TMEM268: variants seen among roughly 807,000 people sequenced by gnomAD.
The protein encoded by TMEM268 is transmembrane protein 268, also known as transmembrane protein C9orf91.
A neutral mutation model predicts 39.1 loss-of-function variants in TMEM268; 24 were observed. That is an observed-to-expected ratio of 0.61 (90% CI 0.44 to 0.86). The LOEUF is 0.86. Ranked by LOEUF, TMEM268 falls within the 40% of genes least tolerant of loss-of-function variation. The pLI is 0.00. For missense variants in TMEM268, 409 were observed against 428.6 expected (o/e 0.95, Z 0.40); for synonymous variants, 176 against 173.5 (o/e 1.01, Z -0.12).
At chr9:114,617,919 C>T (rs1845798798) in intron 2 of TMEM268, among the ~76,000 whole-genome samples, 1 of 151,454 alleles carries the variant, frequency 6.6e-6, no homozygotes, top group African/African-American at 2.4e-5. Context: ...CTCTGTTGCC[C>T]AGGTTGGAAT....
At chr9:114,612,966 T>C (rs1034643709) in intron 1 of TMEM268, among the ~76,000 whole-genome samples, 2 of 152,226 alleles carry the variant, frequency 1.3e-5, no homozygotes, top group Non-Finnish European at 2.9e-5. Context: ...ATGGCAGCTA[T>C]ATTTCTTCAA....
At chr9:114,612,919 G>C (rs1415996243) in intron 1 of TMEM268, among the ~76,000 whole-genome samples, 1 of 152,230 alleles carries the variant, frequency 6.6e-6, no homozygotes, top group Non-Finnish European at 1.5e-5. Flanking sequence ...GGCCTGGCCT[G>C]AGAAGGTGCT....
the TMEM268 span, among the ~76,000 whole-genome samples, chr9:114,604,768 C>A: frequency 1.3e-5 from 2 of 152,106 alleles, no homozygotes; most frequent in South Asian, 4.1e-4. Flanking sequence ...ATCTCTGCTT[C>A]TATCAAGGGA....
At position 114,641,436 on chromosome 9, in the gene TMEM268, AC is replaced by A. The variant is rs552196079; in HGVS notation, c.850-1694del. 3.2e-4 allele frequency among the ~76,000 whole-genome samples: 48 copies of A among 152,260 alleles called. 1 individual carries two copies. The South Asian group carries it at 1.0e-2, about 32-fold the overall frequency. On this transcript the variant is annotated intron_variant, in intron 8 of 8. Transcript: ENST00000288502. ...ACACAAGTATTGCAAAAGAGCTTCA[AC>A]CCCATGCTTAAGGAAGTTAAGCATT...
At chr9:114,617,406 G>A in intron 2 of TMEM268, 105 bp downstream of exon 2, 2 of 857,192 alleles carry the variant, frequency 2.3e-6, no homozygotes, top group Non-Finnish European at 3.9e-6. Context: ...AGGTGTCTTT[G>A]AGGCCATATT....
chr9:114,603,941 C>T, the TMEM268 span, among the ~76,000 whole-genome samples: 1 of 152,130 alleles, frequency 6.6e-6, no homozygotes, highest in Non-Finnish European at 1.5e-5. Context: ...AGCCACCATG[C>T]CCTGCCTGCT....
chr9:114,639,939 G>T (rs943752194), intron 8 of TMEM268, among the ~76,000 whole-genome samples: 1 of 149,712 alleles, frequency 6.7e-6, no homozygotes, highest in Non-Finnish European at 1.5e-5. Context: ...ATTTAGAGAC[G>T]GGGTTTTACC....
intron 6 of TMEM268, among the ~76,000 whole-genome samples, chr9:114,634,931 G>A (rs1208445214): frequency 6.6e-6 from 1 of 152,182 alleles, no homozygotes; most frequent in Non-Finnish European, 1.5e-5. Context: ...ATTGTAGACT[G>A]GGAGCTCCTG....
intron 2 of TMEM268, among the ~76,000 whole-genome samples, chr9:114,621,130 G>A (rs577506064): frequency 6.6e-6 from 1 of 152,026 alleles, no homozygotes; most frequent in African/African-American, 2.4e-5. Flanking sequence ...TTGAGCCCAG[G>A]AATTTGAGAC....
the TMEM268 span, among the ~76,000 whole-genome samples, chr9:114,604,449 G>A: frequency 1.3e-5 from 2 of 152,054 alleles, no homozygotes; most frequent in Non-Finnish European, 2.9e-5. Context: ...GCGTGGTGGT[G>A]TGCACCTGTA....
chr9:114,627,463 C>T (rs1487040303), intron 4 of TMEM268, among the ~76,000 whole-genome samples: 1 of 152,102 alleles, frequency 6.6e-6, no homozygotes, highest in Non-Finnish European at 1.5e-5. Flanking sequence ...CATATAAACA[C>T]TTACATACAT....
Position 114,613,232 on chromosome 9 carries a change from A to G in TMEM268, c.-79+1668A>G, listed in dbSNP as rs1167806686. On this transcript the variant is annotated intron_variant, in intron 1 of 8. Coordinates refer to ENST00000288502, the MANE Select transcript of TMEM268 (RefSeq NM_153045.4). Reference sequence around the variant, plus strand: ...ACTTTGTGAGAGGCTGATGGGGCCAAGTAGAGTGCTGTGGTTTCTTCTGAA... The same window carrying G: ...ACTTTGTGAGAGGCTGATGGGGCCAGGTAGAGTGCTGTGGTTTCTTCTGAA... Among the ~76,000 whole-genome samples the G allele has an allele frequency of 2.0e-5, 3 of 152,362 alleles. No homozygotes were observed. The East Asian group carries it at 5.8e-4, about 29-fold the overall frequency.
intron 1 of TMEM268, among the ~76,000 whole-genome samples, chr9:114,612,106 C>G (rs1845524156): frequency 2.0e-5 from 3 of 152,188 alleles, no homozygotes; most frequent in Admixed American, 6.5e-5. Flanking sequence ...GTAACAGGCC[C>G]TCTTAGGGTC....
At position 114,633,879 on chromosome 9, in the gene TMEM268, G is replaced by A. The variant is rs1299670070; in HGVS notation, c.585+1G>A. On this transcript the variant is annotated splice_donor_variant, in intron 6 of 8. Transcript: ENST00000288502. LOFTEE classifies it high-confidence loss of function. The stretch of plus-strand genomic sequence containing the variant: ...GGAAGGATGCCAGAGTGTGATTCAG[G>A]TGCTGTGTCTCATAGTTACCTCTTC... 1.9e-6 allele frequency: 3 copies of A among 1,566,858 alleles called. No homozygotes were observed. The highest frequency in any genetic ancestry group is 2.7e-5 in the African/African-American group (2 of 73,538).
At chr9:114,636,961 A>G in intron 6 of TMEM268, 29 bp from the exon 7 acceptor site, 1 of 1,551,192 alleles carries the variant, frequency 6.4e-7, no homozygotes, top group East Asian at 2.2e-5. Context: ...CCCTTGAGCC[A>G]CGGTGGTCAC....
chr9:114,623,108 A>G (rs539483388), intron 2 of TMEM268, among the ~76,000 whole-genome samples: 1 of 147,290 alleles, frequency 6.8e-6, no homozygotes, highest in Non-Finnish European at 1.5e-5. Context: ...AACAACAACA[A>G]CAACAACAAC....
chr9:114,611,744 C>A (rs1390343491), intron 1 of TMEM268, among the ~76,000 whole-genome samples, 180 bp downstream of exon 1: 4 of 152,154 alleles, frequency 2.6e-5, no homozygotes, highest in African/African-American at 4.8e-5. Context: ...TGGGGCCCCT[C>A]CCCCGCGTGC....
At chr9:114,617,074 C>T in intron 1 of TMEM268, 44 bp from the exon 2 acceptor site, 2 of 641,804 alleles carry the variant, frequency 3.1e-6, no homozygotes, top group Admixed American at 3.4e-5. Context: ...CCCCGGCTTG[C>T]CCAGGCTCAG....
chr9:114,631,239 G>C (rs1177394541), intron 5 of TMEM268, among the ~76,000 whole-genome samples: 1 of 147,556 alleles, frequency 6.8e-6, no homozygotes, highest in Non-Finnish European at 1.5e-5. Context: ...GGAGTTCAAG[G>C]CTGCAGTGAG....
Sources: allele counts gnomAD v4.1 joint callset (sites outside exome capture counted in the v4.1 genomes callset), GRCh38; gene constraint gnomAD v4.1.1; transcripts MANE v1.5; gene names NCBI Gene and HGNC (gene_info 2026-07-23, HGNC 2026-07-21).